The following PDE4B variants were observed in gnomAD, a reference collection of about 807,000 sequenced individuals.
PDE4B encodes 3',5'-cyclic-AMP phosphodiesterase 4B.
A neutral mutation model predicts 82.2 loss-of-function variants in PDE4B; 20 were observed. That is an observed-to-expected ratio of 0.24 (90% confidence interval 0.17 to 0.35). The LOEUF (loss-of-function observed/expected upper bound fraction) is 0.35, where lower values mean the gene tolerates loss of function less well. Ranked by LOEUF, PDE4B falls within the 10% of genes least tolerant of loss-of-function variation. The pLI, the probability that PDE4B is intolerant of heterozygous loss-of-function variation, is 1.00. For missense variants in PDE4B, 655 were observed against 907.2 expected, an observed-to-expected ratio of 0.72 and a Z score of 3.57; for synonymous variants, 320 against 318.9, an observed-to-expected ratio of 1.00 and a Z score of -0.04.
chr1:65,819,597 G>A (rs1645928696), intron 1 of PDE4B, among the ~76,000 whole-genome samples: 1 of 151,576 alleles, frequency 6.6e-6, no homozygotes, highest in Non-Finnish European at 1.5e-5. Context: ...CGCCTCCCGG[G>A]TTCACGCTAT....
At chr1:65,885,854 G>T (rs933824904) in intron 1 of PDE4B, among the ~76,000 whole-genome samples, 1 of 136,178 alleles carries the variant, frequency 7.3e-6, no homozygotes, top group African/African-American at 2.9e-5. Context: ...AAAACTTAAC[G>T]TATAATAATA....
chr1:65,976,881 C>T (rs1003711095), intron 3 of PDE4B, among the ~76,000 whole-genome samples: 3 of 152,178 alleles, frequency 2.0e-5, no homozygotes, highest in Non-Finnish European at 4.4e-5. Context: ...TCATAAATTA[C>T]TCAGTCTTAG....
rs968251463 is a variant in PDE4B, at chr1:66,198,807, G to A, written c.282-48653G>A. Among the ~76,000 whole-genome samples the A allele has an allele frequency of 2.8e-5, 4 of 143,186 alleles. No homozygotes were observed. In the Admixed American group the frequency reaches 3.0e-4, roughly 11 times the overall value. 93.9% of individuals were successfully genotyped at this position (143,186 alleles called of 152,430 possible). ...CCTGGAGTGTGATGTTGCCCTTCCT[G>A]TGTCCATGTGTTCTCGTTGTTCAAT... On this transcript the variant is annotated intron_variant, in intron 3 of 16. Transcript: ENST00000341517.
At chr1:66,052,829 T>C (rs1480253282) in intron 3 of PDE4B, among the ~76,000 whole-genome samples, 2 of 152,138 alleles carry the variant, frequency 1.3e-5, no homozygotes, top group African/African-American at 4.8e-5. Flanking sequence ...ATGAAGTGAA[T>C]GTTACCCAGG....
chr1:66,046,746 G>A (rs1194448189), intron 3 of PDE4B, among the ~76,000 whole-genome samples: 1 of 151,812 alleles, frequency 6.6e-6, no homozygotes, highest in Non-Finnish European at 1.5e-5. Flanking sequence ...GAGTGAGGGA[G>A]GCTACTCAAT....
chr1:66,134,825 T>G (rs538506957), intron 3 of PDE4B, among the ~76,000 whole-genome samples: 13 of 152,232 alleles, frequency 8.5e-5, no homozygotes, highest in Non-Finnish European at 1.9e-4. Flanking sequence ...TGGTCTAGGC[T>G]TTAGAGCCGT....
intron 3 of PDE4B, among the ~76,000 whole-genome samples, chr1:66,162,648 A>C (rs78597894): frequency 6.6e-6 from 1 of 152,086 alleles, no homozygotes; most frequent in Non-Finnish European, 1.5e-5. Context: ...CTTGTTGAGC[A>C]TGCCAAATTT....
intron 3 of PDE4B, among the ~76,000 whole-genome samples, chr1:66,145,984 G>A (rs6691376): frequency 1.3e-5 from 2 of 152,030 alleles, no homozygotes; most frequent in Admixed American, 6.5e-5. Context: ...TATTTGCTTC[G>A]CTTCACAAAA....
intron 3 of PDE4B, among the ~76,000 whole-genome samples, chr1:65,954,680 A>C (rs1177166965): frequency 6.6e-6 from 1 of 152,106 alleles, no homozygotes; most frequent in Non-Finnish European, 1.5e-5. Flanking sequence ...ATTAGAAGAA[A>C]ATTTTAAAAA....
At chr1:65,927,513 T>C (rs944547413) in intron 3 of PDE4B, among the ~76,000 whole-genome samples, 1 of 147,680 alleles carries the variant, frequency 6.8e-6, no homozygotes. Flanking sequence ...ATAATATATG[T>C]AAATATATAT....
At chr1:66,157,861 A>G (rs1646531570) in intron 3 of PDE4B, among the ~76,000 whole-genome samples, 2 of 151,918 alleles carry the variant, frequency 1.3e-5, no homozygotes, top group Non-Finnish European at 2.9e-5. Context: ...TTTTTTTTTC[A>G]TGATCAAAGC....
intron 3 of PDE4B, among the ~76,000 whole-genome samples, chr1:66,048,339 A>G (rs531709750): frequency 6.6e-6 from 1 of 151,926 alleles, no homozygotes; most frequent in South Asian, 2.1e-4. Flanking sequence ...CTGTCCTCCT[A>G]CATAATAATG....
chr1:66,181,449 T>G (rs982790286), intron 3 of PDE4B, among the ~76,000 whole-genome samples: 8 of 152,176 alleles, frequency 5.3e-5, no homozygotes, highest in African/African-American at 1.9e-4. Flanking sequence ...AACCTTTTTA[T>G]TAATTTAGAG....
At chr1:66,306,759 T>G (rs1234754615) in intron 7 of PDE4B, among the ~76,000 whole-genome samples, 1 of 152,096 alleles carries the variant, frequency 6.6e-6, no homozygotes, top group Non-Finnish European at 1.5e-5. Context: ...CTGTGATCAC[T>G]CAGTAAGTTA....
intron 3 of PDE4B, among the ~76,000 whole-genome samples, chr1:66,062,467 G>T (rs1219828580): frequency 6.6e-6 from 1 of 151,994 alleles, no homozygotes; most frequent in East Asian, 1.9e-4. Flanking sequence ...GGCTTTTTCT[G>T]CATGACTTCA....
chr1:65,910,062 G>T (rs1647072622), intron 1 of PDE4B, among the ~76,000 whole-genome samples: 1 of 152,168 alleles, frequency 6.6e-6, no homozygotes, highest in Non-Finnish European at 1.5e-5. Flanking sequence ...GCATGCCTTT[G>T]GGCAGGCTTC....
rs147961292 is a variant in PDE4B at position 66,191,260 on chromosome 1, G to T, written c.282-56200G>T. Among the ~76,000 whole-genome samples, 404 of 152,258 alleles carry T rather than the reference G, an allele frequency of 2.7e-3. 2 individuals carry two copies. The highest frequency in any genetic ancestry group is 8.6e-3 in the African/African-American group (357 of 41,534). On this transcript the variant is annotated intron_variant, in intron 3 of 16. Coordinates refer to ENST00000341517, the MANE Select transcript of PDE4B (RefSeq NM_002600.4). The stretch of plus-strand genomic sequence containing the variant: ...TGGAGAAAGAGGTCAATTCAGCAAA[G>T]AATGTGTTTTATGTATTGATAAATT...
At chr1:65,979,915 A>G (rs1288859968) in intron 3 of PDE4B, among the ~76,000 whole-genome samples, 1 of 152,176 alleles carries the variant, frequency 6.6e-6, no homozygotes, top group Non-Finnish European at 1.5e-5. Context: ...TTAGGAGATT[A>G]AAGCTGAGGA....
chr1:65,882,320 T>A (rs1261665238), intron 1 of PDE4B, among the ~76,000 whole-genome samples: 1 of 152,236 alleles, frequency 6.6e-6, no homozygotes, highest in Non-Finnish European at 1.5e-5. Flanking sequence ...AATTCTGAGC[T>A]GTCACTGACT....
Sources: gnomAD v4.1 joint callset for allele counts (sites outside exome capture counted in the v4.1 genomes callset) on GRCh38, gnomAD v4.1.1 for gene constraint, MANE v1.5 for transcripts, NCBI Gene and HGNC (gene_info 2026-07-23, HGNC 2026-07-21) for gene names.